The following B3GALT1 variants were observed in gnomAD, a reference collection of about 807,000 sequenced individuals.
B3GALT1 encodes beta-1,3-galactosyltransferase 1.
B3GALT1 carries 10 observed loss-of-function variants against 23.2 expected under a neutral mutation model. That is an observed-to-expected ratio of 0.43 (90% CI 0.27 to 0.73). The LOEUF (loss-of-function observed/expected upper bound fraction) is 0.73, where lower values mean the gene tolerates loss of function less well. Ranked by LOEUF, B3GALT1 falls within the 30% of genes least tolerant of loss-of-function variation. The pLI, the probability that B3GALT1 is intolerant of heterozygous loss-of-function variation, is 0.21. For synonymous variants in B3GALT1, 156 were observed against 141.5 expected, an observed-to-expected ratio of 1.10 and a Z score of -0.73; for missense variants, 299 against 405.4, an observed-to-expected ratio of 0.74 and a Z score of 2.25.
intron 2 of B3GALT1, among the ~76,000 whole-genome samples, chr2:167,555,507 C>T (rs1683828748): frequency 6.6e-6 from 1 of 152,146 alleles, no homozygotes; most frequent in African/African-American, 2.4e-5. Context: ...ATTACCACAT[C>T]TGGAGCTATC....
At chr2:167,640,262 G>A (rs1685627327) in intron 2 of B3GALT1, among the ~76,000 whole-genome samples, 1 of 152,012 alleles carries the variant, frequency 6.6e-6, no homozygotes, top group South Asian at 2.1e-4. Context: ...CTCAGAATTG[G>A]GAAAGTGTGA....
chr2:167,666,035 A>G (rs541979202), intron 3 of B3GALT1, among the ~76,000 whole-genome samples: 17 of 151,988 alleles, frequency 1.1e-4, no homozygotes, highest in South Asian at 1.0e-3. Flanking sequence ...TGCTTTTCCA[A>G]TTCTTTTAAT....
At chr2:167,620,374 G>T (rs1191099266) in intron 2 of B3GALT1, among the ~76,000 whole-genome samples, 2 of 152,004 alleles carry the variant, frequency 1.3e-5, no homozygotes, top group African/African-American at 2.4e-5. Context: ...GCAGAGGGAG[G>T]GGCTGGACTC....
intron 1 of B3GALT1, among the ~76,000 whole-genome samples, chr2:167,439,177 C>A (rs1698837998): frequency 6.6e-6 from 1 of 152,150 alleles, no homozygotes; most frequent in Non-Finnish European, 1.5e-5. Context: ...TGATACCTGA[C>A]ATAGTAGTGA....
intron 2 of B3GALT1, among the ~76,000 whole-genome samples, chr2:167,627,655 A>C (rs750750288): frequency 6.6e-6 from 1 of 151,678 alleles, no homozygotes; most frequent in Non-Finnish European, 1.5e-5. Flanking sequence ...TTTTATGTGA[A>C]CTTATATCTT....
chr2:167,734,929 C>T (rs1461064242), intron 3 of B3GALT1, among the ~76,000 whole-genome samples: 2 of 152,100 alleles, frequency 1.3e-5, no homozygotes, highest in South Asian at 2.1e-4. Flanking sequence ...CATTTTTCTG[C>T]CCCCTCCTCA....
chr2:167,669,965 A>G (rs1558943895), intron 3 of B3GALT1, among the ~76,000 whole-genome samples: 1 of 152,200 alleles, frequency 6.6e-6, no homozygotes, highest in Non-Finnish European at 1.5e-5. Context: ...TCAGAACTCC[A>G]CAACAAGCCG....
At chr2:167,646,526 T>C (rs1232477292) in intron 2 of B3GALT1, among the ~76,000 whole-genome samples, 5 of 152,204 alleles carry the variant, frequency 3.3e-5, no homozygotes, top group African/African-American at 1.2e-4. Context: ...AGTTGCTGTC[T>C]TTTGCTCTGT....
At chr2:167,568,027 G>A (rs191687848) in intron 2 of B3GALT1, among the ~76,000 whole-genome samples, 67 of 152,062 alleles carry the variant, frequency 4.4e-4, no homozygotes, top group Admixed American at 7.9e-4. Context: ...AGTAATATGC[G>A]TTTAAGTTTC....
chr2:167,373,234 A>G (rs190382549), intron 1 of B3GALT1, among the ~76,000 whole-genome samples: 9 of 152,308 alleles, frequency 5.9e-5, no homozygotes, highest in Non-Finnish European at 1.3e-4. Context: ...AAAATGGATT[A>G]TAAACCTAAT....
At chr2:167,760,451 TCGTCCTC>T (rs1035113391) in intron 3 of B3GALT1, among the ~76,000 whole-genome samples, 2 of 152,106 alleles carry the variant, frequency 1.3e-5, no homozygotes, top group African/African-American at 4.8e-5. Flanking sequence ...ACAGCAGCAA[TCGTCCTC>T]TGTAATAATC....
intron 1 of B3GALT1, among the ~76,000 whole-genome samples, chr2:167,326,146 A>G (rs114767899): frequency 0.032 from 4,673 of 147,504 alleles, 109 homozygotes; most frequent in Non-Finnish European, 0.047. Flanking sequence ...ATGATATCTC[A>G]TTGTGGTTTT....
At chr2:167,596,442 C>A (rs988815376) in intron 2 of B3GALT1, among the ~76,000 whole-genome samples, 3 of 152,148 alleles carry the variant, frequency 2.0e-5, no homozygotes, top group African/African-American at 7.2e-5. Context: ...AAATGCACAA[C>A]CTTAGAACAG....
At chr2:167,786,811 G>A (rs1384072630) in intron 3 of B3GALT1, among the ~76,000 whole-genome samples, 1 of 152,096 alleles carries the variant, frequency 6.6e-6, no homozygotes, top group African/African-American at 2.4e-5. Context: ...TCTTACCCCT[G>A]GCTGCAATTA....
chr2:167,765,237 T>C (rs1687959054), intron 3 of B3GALT1, among the ~76,000 whole-genome samples: 1 of 152,198 alleles, frequency 6.6e-6, no homozygotes, highest in African/African-American at 2.4e-5. Context: ...TTTGGCTGAT[T>C]GTGTGCACTG....
chr2:167,784,223 C>T (rs538380757), intron 3 of B3GALT1, among the ~76,000 whole-genome samples: 8 of 152,324 alleles, frequency 5.3e-5, no homozygotes, highest in African/African-American at 1.9e-4. Context: ...CCCATCACTG[C>T]ATCTGCAGAT....
rs1700039682 is a variant in B3GALT1, at chr2:167,512,632, A to G, written c.-410+22355A>G. 3.3e-5 allele frequency among the ~76,000 whole-genome samples: 3 copies of G among 90,876 alleles called. 1 individual carries two copies. The South Asian group carries it at 1.3e-3, about 39-fold the overall frequency. The allele number at this position is 90,876 out of a possible 152,430, so 59.6% of individuals were successfully genotyped here. ...TGTATATATATATACGTGTATATATATATACATATATATATATATTTTGAG... is the reference window on the plus strand; with the variant it reads ...TGTATATATATATACGTGTATATATGTATACATATATATATATATTTTGAG... On this transcript the variant is annotated intron_variant, in intron 2 of 4. Coordinates refer to ENST00000392690, the MANE Select transcript of B3GALT1 (RefSeq NM_020981.4).
chr2:167,563,476 T>A (rs13029895), intron 2 of B3GALT1, among the ~76,000 whole-genome samples: 3 of 68,036 alleles, frequency 4.4e-5, no homozygotes, highest in African/African-American at 7.1e-5. Flanking sequence ...CACTTCCCAG[T>A]AGGGGCGGCC....
intron 3 of B3GALT1, among the ~76,000 whole-genome samples, chr2:167,804,320 TTTTC>T (rs1263260061): frequency 1.5e-5 from 2 of 133,522 alleles, no homozygotes; most frequent in African/African-American, 3.5e-5. Flanking sequence ...TGTTTTGTTT[TTTTC>T]TTTTTTTTTT....
Sources: gnomAD v4.1 joint callset for allele counts (sites outside exome capture counted in the v4.1 genomes callset) on GRCh38, gnomAD v4.1.1 for gene constraint, MANE v1.5 for transcripts, NCBI Gene and HGNC (gene_info 2026-07-23, HGNC 2026-07-21) for gene names.